SOS2: variants seen among roughly 807,000 people sequenced by gnomAD.
The protein encoded by SOS2 is son of sevenless homolog 2.
Under a neutral mutation model 148.2 loss-of-function variants are expected in SOS2, and 65 were observed. That is an observed-to-expected ratio of 0.44 (90% CI 0.36 to 0.54). The LOEUF (loss-of-function observed/expected upper bound fraction) is 0.54. Ranked by LOEUF, SOS2 falls within the 20% of genes least tolerant of loss-of-function variation. The pLI is 0.00. For missense variants in SOS2, 1,341 were observed against 1,590.2 expected (o/e 0.84, Z 2.67); for synonymous variants, 539 against 537.1 (o/e 1.00, Z -0.05).
chr14:50,202,046 T>A (rs548499159), intron 2 of SOS2, among the ~76,000 whole-genome samples: 16 of 152,320 alleles, frequency 1.1e-4, no homozygotes, highest in Non-Finnish European at 2.1e-4. Flanking sequence ...CACTGCAACC[T>A]CCACTTCCCA....
intron 16 of SOS2, among the ~76,000 whole-genome samples, chr14:50,142,719 T>TA (rs1374450651): frequency 3.3e-5 from 5 of 152,354 alleles, no homozygotes; most frequent in Non-Finnish European, 7.3e-5. Flanking sequence ...CTCTTACTGA[T>TA]AGACATTCAG....
In SOS2 at chr14:50,118,604, C is replaced by T. The variant is rs1883393125; in HGVS notation, c.3739G>A (p.Asp1247Asn). The part of the protein sequence containing the change: ...PPLGHLHRDS[D>N]WLRDISTCPN... Reference sequence around the variant, plus strand: ...CACGTACTAATGTCTCTGAGCCAGTCTGAATCTCTGTGAAGATGCCCCAGT... The same window carrying T: ...CACGTACTAATGTCTCTGAGCCAGTTTGAATCTCTGTGAAGATGCCCCAGT... The change falls in exon 23 of 23, where the codon GAC becomes AAC. Residue 1247 changes from aspartate to asparagine, a missense_variant. Physicochemically the swap from Asp to Asn is conservative, Grantham distance 23 (BLOSUM62 1). This residue lies in a region of SOS2 where 354 missense variants were observed against 347.7 expected (regional missense o/e 1.02). Coordinates refer to ENST00000216373, the MANE Select transcript of SOS2 (RefSeq NM_006939.4). 3 of 1,614,094 alleles carry T rather than the reference C, an allele frequency of 1.9e-6. No individual in the cohort carries two copies. The highest frequency in any genetic ancestry group is 2.5e-6 in the Non-Finnish European group (3 of 1,180,018).
At chr14:50,178,139 T>A (rs1245483482) in intron 7 of SOS2, among the ~76,000 whole-genome samples, 2 of 152,170 alleles carry the variant, frequency 1.3e-5, no homozygotes, top group African/African-American at 4.8e-5. Context: ...TGATTTTGTG[T>A]CCCCGTCCAA....
chr14:50,156,280 A>G (rs917750687), intron 12 of SOS2: 3 of 151,788 alleles, frequency 2.0e-5, no homozygotes, highest in Non-Finnish European at 4.4e-5. Context: ...ACACACACAC[A>G]CGCAAAGAAA....
intron 19 of SOS2, among the ~76,000 whole-genome samples, chr14:50,132,912 T>C (rs1033132966): frequency 2.0e-5 from 3 of 152,274 alleles, no homozygotes; most frequent in African/African-American, 7.2e-5. Flanking sequence ...TTTGAGAGTT[T>C]TGATGGCAGA....
chr14:50,184,606 A>G (rs1246215416), intron 5 of SOS2, among the ~76,000 whole-genome samples: 1 of 152,094 alleles, frequency 6.6e-6, no homozygotes, highest in African/African-American at 2.4e-5. Flanking sequence ...GAGAAAAAGA[A>G]AAAGGATCAG....
Position 50,231,322 on chromosome 14 carries a change from C to A in SOS2, c.-39G>T. 1 of 1,180,792 alleles carries A rather than the reference C, an allele frequency of 8.5e-7. No individual in the cohort carries two copies. Among genetic ancestry groups the A allele is most frequent in the Admixed American group, 2.9e-5 (1 of 34,714 alleles). 73.1% of individuals were successfully genotyped at this position (1,180,792 alleles called of 1,614,324 possible). ...GCGCCTCCGCATCGGGGGCAGCCCG[C>A]GGGCCGGGCCGGTGGCCTGACAGGC... On this transcript the variant is annotated 5_prime_UTR_variant, in exon 1 of 23. Coordinates refer to ENST00000216373, the MANE Select transcript of SOS2 (RefSeq NM_006939.4).
At chr14:50,221,456 T>C (rs1887199617) in intron 1 of SOS2, among the ~76,000 whole-genome samples, 1 of 152,166 alleles carries the variant, frequency 6.6e-6, no homozygotes, top group Admixed American at 6.5e-5. Context: ...ACAGTTGCCC[T>C]CTCATTTTAC....
intron 21 of SOS2, among the ~76,000 whole-genome samples, chr14:50,128,430 C>CT (rs1491348334): frequency 1.9e-5 from 2 of 107,000 alleles, no homozygotes; most frequent in East Asian, 2.8e-4. Flanking sequence ...ACAAACAAAC[C>CT]TAAACAAACA....
intron 1 of SOS2, among the ~76,000 whole-genome samples, chr14:50,224,055 C>T (rs1423341450): frequency 2.0e-5 from 3 of 151,356 alleles, no homozygotes; most frequent in East Asian, 3.9e-4. Context: ...GGGGCCGAGG[C>T]GGGCAGATCA....
At chr14:50,130,860 C>T in intron 19 of SOS2, 98 bp from the exon 20 acceptor site, 1 of 1,051,336 alleles carries the variant, frequency 9.5e-7, no homozygotes, top group Non-Finnish European at 1.4e-6. Context: ...AGTTCTTAAG[C>T]ATACAGTTCT....
At chr14:50,226,497 A>G (rs1261543616) in intron 1 of SOS2, among the ~76,000 whole-genome samples, 1 of 152,178 alleles carries the variant, frequency 6.6e-6, no homozygotes, top group African/African-American at 2.4e-5. Context: ...CCATTTTTAA[A>G]TCAAAGCCCC....
chr14:50,205,909 C>CA (rs34451226), intron 1 of SOS2, among the ~76,000 whole-genome samples: 96,600 of 135,376 alleles, frequency 0.71, 34,181 homozygotes, highest in African/African-American at 0.76. Flanking sequence ...AACTCCATCT[C>CA]AAAAAAAAAA....
intron 1 of SOS2, 72 bp downstream of exon 1, chr14:50,231,122 AGGG>A: frequency 1.2e-6 from 1 of 861,792 alleles, no homozygotes; most frequent in Non-Finnish European, 1.6e-6. Context: ...GCCCTGTGGG[AGGG>A]ACGACCTGCT....
rs200021758 is a variant in SOS2 at position 50,160,379 on chromosome 14, C to CTTTTTTTTTT, written c.1197-303_1197-294dup. Among the ~76,000 whole-genome samples, 5 of 78,926 alleles carry CTTTTTTTTTT rather than the reference C, an allele frequency of 6.3e-5. 1 individual carries two copies. The highest frequency in any genetic ancestry group is 9.9e-5 in the African/African-American group (2 of 20,218). The allele number at this position is 78,926 out of a possible 152,430, so 51.8% of individuals were successfully genotyped here. A position where few individuals can be genotyped will look rare whatever the true frequency, so the allele number is the denominator to read the frequency against. The stretch of plus-strand genomic sequence containing the variant: ...ATCCTAATAATATAACAATGCTAAT[C>CTTTTTTTTTT]TTTTTTTTTTTTTTTTTTTTTTTTT... On this transcript the variant is annotated intron_variant, in intron 9 of 22. Transcript: ENST00000216373.
At chr14:50,202,039 T>A (rs1187139171) in intron 2 of SOS2, among the ~76,000 whole-genome samples, 1 of 152,224 alleles carries the variant, frequency 6.6e-6, no homozygotes, top group Non-Finnish European at 1.5e-5. Context: ...CTCAGCTCAC[T>A]GCAACCTCCA....
intron 4 of SOS2, among the ~76,000 whole-genome samples, chr14:50,192,681 C>T (rs547775132): frequency 2.4e-4 from 36 of 151,970 alleles, no homozygotes; most frequent in African/African-American, 8.2e-4. Context: ...CTGGCCAACA[C>T]GGCAAAACCC....
chr14:50,229,583 C>T lies in SOS2; in HGVS notation c.87+1614G>A, dbSNP rs1007409509. 4.0e-5 allele frequency among the ~76,000 whole-genome samples: 6 copies of T among 151,714 alleles called. No individual in the cohort carries two copies. The East Asian group carries it at 7.7e-4, about 20-fold the overall frequency. ...CAACAGTTTGGAAGGCAGAGGTGGG[C>T]GGACTGCTTGAGGCCAGAAGTTCAA... is the stretch of plus-strand genomic sequence containing the variant. On this transcript the variant is annotated intron_variant, in intron 1 of 22. Coordinates refer to ENST00000216373, the MANE Select transcript of SOS2 (RefSeq NM_006939.4).
chr14:50,129,981 G>A lies in SOS2; in HGVS notation c.3359C>T (p.Pro1120Leu). The change falls in exon 21 of 23, where the codon CCA (proline) becomes CTA (leucine). Residue 1120 changes from proline to leucine, a missense_variant. Physicochemically the swap from Pro to Leu is moderately conservative, Grantham distance 98. Coordinates refer to ENST00000216373, the MANE Select transcript of SOS2 (RefSeq NM_006939.4). ...CTTACTTGAATGTGGCAAAAGCACT[G>A]GAGCAAAGATGCTATTGCTGCCTAT... ...SSCGSNSIFA[P>L]VLLPHSKSFF... 1 of 1,594,286 alleles carries A rather than the reference G, an allele frequency of 6.3e-7. No homozygotes were observed. The highest frequency in any genetic ancestry group is 8.6e-7 in the Non-Finnish European group (1 of 1,165,358).
Sources: allele counts gnomAD v4.1 joint callset (sites outside exome capture counted in the v4.1 genomes callset), GRCh38; gene constraint gnomAD v4.1.1; regional missense constraint gnomAD v4.1.1; transcripts MANE v1.5; gene names NCBI Gene and HGNC (gene_info 2026-07-23, HGNC 2026-07-21).